The following DYNC2H1 variants were observed in gnomAD, a reference collection of about 807,000 sequenced individuals.
The protein encoded by DYNC2H1 is dynein cytoplasmic 2 heavy chain 1.
Under a neutral mutation model 570.0 loss-of-function variants are expected in DYNC2H1, and 410 were observed. That is an observed-to-expected ratio of 0.72 (90% CI 0.66 to 0.78). The LOEUF (loss-of-function observed/expected upper bound fraction) is 0.78. DYNC2H1 is among the 30% of genes least tolerant of loss of function. The pLI is 0.00. For missense variants in DYNC2H1, 4,865 were observed against 5,046.4 expected (o/e 0.96, Z 1.09); for synonymous variants, 1,688 against 1,677.6 (o/e 1.01, Z -0.15).
At chr11:103,344,684 A>T (rs984758066) in intron 82 of DYNC2H1, among the ~76,000 whole-genome samples, 1 of 152,114 alleles carries the variant, frequency 6.6e-6, no homozygotes, top group African/African-American at 2.4e-5. Flanking sequence ...TATTCTCCTT[A>T]ACCTGCTTTG....
At chr11:103,417,220 C>T (rs544160307) in intron 84 of DYNC2H1, among the ~76,000 whole-genome samples, 22 of 152,294 alleles carry the variant, frequency 1.4e-4, no homozygotes, top group African/African-American at 5.1e-4. Context: ...GCTGAGACTA[C>T]AGGCGCATGC....
chr11:103,125,213 T>A lies in DYNC2H1; in HGVS notation c.1775T>A (p.Leu592His). ...LLREVRQLSA[L>H]GFVIPAKIQQ... ...AGAGAAGTTCGTCAGCTCTCTGCAC[T>A]TGGCTTTGTTATTCCTGCCAAAATA... is the stretch of plus-strand genomic sequence containing the variant. Residue 592 changes from leucine to histidine, a missense_variant, in exon 12 of 89, where the codon CTT becomes CAT. Leu to His is a moderately conservative substitution (Grantham distance 99). This residue lies in a region of DYNC2H1 where 1,936 missense variants were observed against 1,962.1 expected (regional missense o/e 0.99). Transcript: ENST00000375735. The A allele has an allele frequency of 6.2e-7, 1 of 1,613,602 alleles. No homozygotes were observed. The highest frequency in any genetic ancestry group is 1.3e-5 in the African/African-American group (1 of 75,054).
At chr11:103,437,263 T>C (rs1403520585) in intron 85 of DYNC2H1, among the ~76,000 whole-genome samples, 1 of 152,276 alleles carries the variant, frequency 6.6e-6, no homozygotes, top group Admixed American at 6.6e-5. Flanking sequence ...TTTGTTCTAA[T>C]ATAAAAGTTG....
Position 103,122,862 on chromosome 11 carries a change from C to T in DYNC2H1, c.1523C>T (p.Ser508Phe), listed in dbSNP as rs754492739. The T allele has an allele frequency of 6.2e-7, 1 of 1,613,192 alleles. No individual in the cohort carries two copies. Among genetic ancestry groups the T allele is most frequent in the Non-Finnish European group, 8.5e-7 (1 of 1,179,550 alleles). ...ATCAAGATTGCAGAGGCTCTTTTAT[C>T]TGACTTGCCAGGATTTCGATGTTTC... ...DTIKIAEALL[S>F]DLPGFRCFHQ... The change falls in exon 11 of 89, where the codon TCT (serine) becomes TTT (phenylalanine). Residue 508 changes from serine (S) to phenylalanine (F), a missense_variant. Around this residue, in one of 5 missense-constraint regions of DYNC2H1, gnomAD observed 1,936 missense variants for 1,962.1 expected, o/e 0.99. Coordinates refer to ENST00000375735, the MANE Select transcript of DYNC2H1 (RefSeq NM_001377.3).
Position 103,199,206 on chromosome 11 carries a change from A to G in DYNC2H1, c.7840-22A>G. On this transcript the variant is annotated intron_variant, in intron 48 of 88. Coordinates refer to ENST00000375735, the MANE Select transcript of DYNC2H1 (RefSeq NM_001377.3). This position sits in a 1 kb window ranked among gnomAD's most constrained non-coding sequence, Gnocchi z 4.6. ...TAATTAGGGCTTATATTAATTATAAAATATTCTGATTTTTTTAAAAGGGTC... is the reference window on the plus strand; with the variant it reads ...TAATTAGGGCTTATATTAATTATAAGATATTCTGATTTTTTTAAAAGGGTC... The G allele has an allele frequency of 7.0e-7, 1 of 1,436,192 alleles. No homozygotes were observed. 89.0% of individuals were successfully genotyped at this position (1,436,192 alleles called of 1,614,324 possible).
At chr11:103,462,252 C>T (rs1344741930) in intron 87 of DYNC2H1, among the ~76,000 whole-genome samples, 1 of 151,976 alleles carries the variant, frequency 6.6e-6, no homozygotes, top group Non-Finnish European at 1.5e-5. Context: ...TTTTGTTCCT[C>T]TGTCTCTCAT....
rs181885936 is a variant in DYNC2H1, at chr11:103,463,232, A to T, written c.12649-5357A>T. Among the ~76,000 whole-genome samples the T allele has an allele frequency of 9.6e-3, 1,464 of 152,336 alleles. 23 individuals carry two copies. Among genetic ancestry groups the T allele is most frequent in the African/African-American group, 0.033 (1,382 of 41,574 alleles). ...TGGCTTGAAATACAAGATAAGTATT[A>T]CATTGTGTCAGAAACAGGACAGAAA... is the stretch of plus-strand genomic sequence containing the variant. On this transcript the variant is annotated intron_variant, in intron 87 of 88. Transcript: ENST00000375735.
intron 47 of DYNC2H1, among the ~76,000 whole-genome samples, chr11:103,197,407 G>A (rs1862543977): frequency 6.6e-6 from 1 of 151,932 alleles, no homozygotes; most frequent in South Asian, 2.1e-4. Context: ...CACTTTTCAG[G>A]TAGAGTTTGA....
At chr11:103,148,676 A>AT in intron 20 of DYNC2H1, 59 bp downstream of exon 20, 1 of 1,506,264 alleles carries the variant, frequency 6.6e-7, no homozygotes, top group East Asian at 2.5e-5. Context: ...AAATGTTTAA[A>AT]TTAGGTAATT....
chr11:103,188,987 A>G (rs1028730521), intron 44 of DYNC2H1, among the ~76,000 whole-genome samples: 1 of 152,218 alleles, frequency 6.6e-6, no homozygotes, highest in East Asian at 1.9e-4. Flanking sequence ...CATCAAATTT[A>G]TGAAGATAAC....
rs912518395 is a variant in DYNC2H1 at position 103,162,963 on chromosome 11, TTATATA to T, written c.4492-61_4492-56del. 7 of 1,412,904 alleles carry T rather than the reference TTATATA, an allele frequency of 5.0e-6. No homozygotes were observed. The African/African-American group carries it at 1.0e-4, about 20-fold the overall frequency. The allele number at this position is 1,412,904 out of a possible 1,614,324, so 87.5% of individuals were successfully genotyped here. On this transcript the variant is annotated intron_variant, in intron 29 of 88. Coordinates refer to ENST00000375735, the MANE Select transcript of DYNC2H1 (RefSeq NM_001377.3). ...GTAGATTGTATATTTATTTTATGTC[TTATATA>T]TATTATTTTCCAGTTTATTTTATGT...
intron 84 of DYNC2H1, among the ~76,000 whole-genome samples, chr11:103,417,463 C>T (rs1213218024): frequency 1.3e-5 from 2 of 152,160 alleles, no homozygotes; most frequent in Non-Finnish European, 2.9e-5. Flanking sequence ...CACAAATTTG[C>T]TTCATGCACA....
Position 103,154,581 on chromosome 11 carries a change from G to A in DYNC2H1, c.3433G>A (p.Ala1145Thr), listed in dbSNP as rs1860723762. 6.2e-7 allele frequency: 1 copy of A among 1,601,946 alleles called. No individual in the cohort carries two copies. The highest frequency in any genetic ancestry group is 8.5e-7 in the Non-Finnish European group (1 of 1,174,694). Residue 1145 changes from alanine to threonine, a missense_variant, in exon 23 of 89, where the codon GCC (alanine) becomes ACC (threonine). Ala to Thr is a moderately conservative substitution (Grantham distance 58). Around this residue, in one of 5 missense-constraint regions of DYNC2H1, gnomAD observed 1,936 missense variants for 1,962.1 expected, o/e 0.99. Coordinates refer to ENST00000375735, the MANE Select transcript of DYNC2H1 (RefSeq NM_001377.3). ...EEFQQGFQEM[A>T]NEDWITFRTK... Reference sequence around the variant, plus strand: ...GTTTCAACAAGGATTTCAGGAAATGGCCAATGAAGACTGGATCACTTTTCG... The same window carrying A: ...GTTTCAACAAGGATTTCAGGAAATGACCAATGAAGACTGGATCACTTTTCG...
intron 13 of DYNC2H1, among the ~76,000 whole-genome samples, chr11:103,130,074 T>A (rs1289450090): frequency 1.3e-5 from 2 of 152,156 alleles, no homozygotes; most frequent in Admixed American, 6.5e-5. Flanking sequence ...CCCAGTGGAA[T>A]CACAGAGGGT....
intron 83 of DYNC2H1, among the ~76,000 whole-genome samples, chr11:103,393,930 C>T (rs980437693): frequency 5.9e-5 from 9 of 152,136 alleles, no homozygotes; most frequent in East Asian, 3.9e-4. Flanking sequence ...TTCACTATCA[C>T]GAGTACAGCA....
chr11:103,204,734 A>G lies in DYNC2H1; in HGVS notation c.8312-88A>G. The G allele has an allele frequency of 1.1e-6, 1 of 938,152 alleles. No individual in the cohort carries two copies. The highest frequency in any genetic ancestry group is 1.9e-5 in the South Asian group (1 of 52,396). The allele number at this position is 938,152 out of a possible 1,614,324, so 58.1% of individuals were successfully genotyped here. Reference sequence around the variant, plus strand: ...GTGCTCGTTTTAAGAAACAACTCCTACTATTTCATTTGAGAAAATTTTGAT... The same window carrying G: ...GTGCTCGTTTTAAGAAACAACTCCTGCTATTTCATTTGAGAAAATTTTGAT... On this transcript the variant is annotated intron_variant, in intron 51 of 88. Coordinates refer to ENST00000375735, the MANE Select transcript of DYNC2H1 (RefSeq NM_001377.3). This position sits in a 1 kb window ranked among gnomAD's most constrained non-coding sequence, Gnocchi z 4.1.
At chr11:103,392,438 T>G (rs1942197506) in intron 83 of DYNC2H1, among the ~76,000 whole-genome samples, 1 of 152,222 alleles carries the variant, frequency 6.6e-6, no homozygotes, top group Admixed American at 6.5e-5. Flanking sequence ...CCTGACCCCT[T>G]GCGCTTACTG....
At chr11:103,215,664 CTG>C in intron 54 of DYNC2H1, 55 bp from the exon 55 acceptor site, 1 of 1,312,904 alleles carries the variant, frequency 7.6e-7, no homozygotes, top group East Asian at 2.7e-5. Context: ...GCTTTATTTA[CTG>C]TGTGTGTAAA....
rs117010470 is a variant in DYNC2H1, at chr11:103,306,683, A to G, written c.11383-1038A>G. Among the ~76,000 whole-genome samples, 13 of 152,272 alleles carry G rather than the reference A, an allele frequency of 8.5e-5. No homozygotes were observed. The East Asian group carries it at 2.3e-3, about 27-fold the overall frequency. On this transcript the variant is annotated intron_variant, in intron 77 of 88. Coordinates refer to ENST00000375735, the MANE Select transcript of DYNC2H1 (RefSeq NM_001377.3). ...GTCATTTTTTTGTCATCTTAACTCTACATTTCACGTGATATTAAATGAATG... is the reference window on the plus strand; with the variant it reads ...GTCATTTTTTTGTCATCTTAACTCTGCATTTCACGTGATATTAAATGAATG...
Sources: gnomAD v4.1 joint callset for allele counts (sites outside exome capture counted in the v4.1 genomes callset) on GRCh38, gnomAD v4.1.1 for gene constraint, gnomAD v4.1.1 regional missense constraint, Gnocchi (gnomAD v3.1) non-coding constraint, MANE v1.5 for transcripts, NCBI Gene and HGNC (gene_info 2026-07-23, HGNC 2026-07-21) for gene names.